ADAMTS16: variants seen among roughly 807,000 people sequenced by gnomAD.
ADAMTS16 encodes the protein ADAM metallopeptidase with thrombospondin type 1 motif 16.
ADAMTS16 carries 94 observed loss-of-function variants against 145.8 expected under a neutral mutation model. That is an observed-to-expected ratio of 0.64 (90% CI 0.55 to 0.77). ADAMTS16 has a LOEUF of 0.77. Among genes scored for constraint, ADAMTS16 ranks in the 30% least tolerant of loss-of-function variants. ADAMTS16 has a pLI of 0.00. For synonymous variants in ADAMTS16, 659 were observed against 604.3 expected, an observed-to-expected ratio of 1.09 and a Z score of -1.33; for missense variants, 1,585 against 1,591.5, an observed-to-expected ratio of 1.00 and a Z score of 0.07.
chr5:5,170,499 C>T (rs897613023), intron 3 of ADAMTS16, among the ~76,000 whole-genome samples: 1 of 152,096 alleles, frequency 6.6e-6, no homozygotes, highest in Non-Finnish European at 1.5e-5. Flanking sequence ...CTGCCTCAGC[C>T]CCCCGAGTAG....
At chr5:5,215,783 ATATATATG>A (rs1736410459) in intron 10 of ADAMTS16, among the ~76,000 whole-genome samples, 1 of 46,196 alleles carries the variant, frequency 2.2e-5, no homozygotes, top group Admixed American at 1.6e-4. Flanking sequence ...TATATATGGT[ATATATATG>A]TGTGGTATAT....
intron 3 of ADAMTS16, among the ~76,000 whole-genome samples, chr5:5,176,579 G>C (rs1314234602): frequency 6.6e-6 from 1 of 152,100 alleles, no homozygotes; most frequent in Non-Finnish European, 1.5e-5. Flanking sequence ...TTGTACCCTT[G>C]AGGCTTCAGT....
chr5:5,204,370 TG>T (rs2126597055), intron 9 of ADAMTS16, among the ~76,000 whole-genome samples: 1 of 152,290 alleles, frequency 6.6e-6, no homozygotes, highest in South Asian at 2.1e-4. Context: ...ATTATAAGAG[TG>T]CCTACAGCTC....
chr5:5,294,148 A>C (rs950559701), intron 18 of ADAMTS16, among the ~76,000 whole-genome samples: 2 of 152,330 alleles, frequency 1.3e-5, no homozygotes, highest in Non-Finnish European at 2.9e-5. Flanking sequence ...CTAGGGGACA[A>C]TTAAGGAGCA....
chr5:5,167,025 A>C (rs1579283742), intron 3 of ADAMTS16, among the ~76,000 whole-genome samples: 1 of 152,232 alleles, frequency 6.6e-6, no homozygotes, highest in South Asian at 2.1e-4. Flanking sequence ...TAAAAGTCAA[A>C]CCCTTTTTCC....
chr5:5,301,435 T>C (rs1347388456), intron 18 of ADAMTS16, among the ~76,000 whole-genome samples: 1 of 152,234 alleles, frequency 6.6e-6, no homozygotes, highest in African/African-American at 2.4e-5. Context: ...CTGCCTGCTC[T>C]GAACCATGTT....
intron 18 of ADAMTS16, among the ~76,000 whole-genome samples, chr5:5,293,865 G>C (rs1739426325): frequency 6.6e-6 from 1 of 152,160 alleles, no homozygotes; most frequent in Non-Finnish European, 1.5e-5. Context: ...GTGGTATCTT[G>C]CCAACACAGC....
At chr5:5,200,506 G>A (rs1392787596) in intron 9 of ADAMTS16, among the ~76,000 whole-genome samples, 1 of 152,176 alleles carries the variant, frequency 6.6e-6, no homozygotes, top group Admixed American at 6.5e-5. Flanking sequence ...GACTAAAAGG[G>A]AGCCATAAGA....
At chr5:5,294,503 C>T (rs1247022142) in intron 18 of ADAMTS16, among the ~76,000 whole-genome samples, 1 of 152,228 alleles carries the variant, frequency 6.6e-6, no homozygotes, top group Non-Finnish European at 1.5e-5. Flanking sequence ...AGGCCTTCAA[C>T]AGACTGGATG....
intron 10 of ADAMTS16, among the ~76,000 whole-genome samples, chr5:5,212,197 TTG>T (rs1560951016): frequency 1.1e-4 from 11 of 100,592 alleles, no homozygotes; most frequent in Admixed American, 1.4e-4. Flanking sequence ...GGGGTTTTTT[TTG>T]TTTTGTTTTG....
At chr5:5,165,212 T>C (rs1734841500) in intron 3 of ADAMTS16, among the ~76,000 whole-genome samples, 1 of 152,180 alleles carries the variant, frequency 6.6e-6, no homozygotes, top group Non-Finnish European at 1.5e-5. Flanking sequence ...CACTGGGTCC[T>C]CTGCTCCGGC....
chr5:5,291,196 AT>A lies in ADAMTS16; in HGVS notation c.2790-12062del, dbSNP rs200773832. Among the ~76,000 whole-genome samples the A allele has an allele frequency of 6.9e-3, 1,044 of 150,486 alleles. 17 individuals are homozygous for A. Among genetic ancestry groups the A allele is most frequent in the African/African-American group, 0.024 (991 of 40,954 alleles). ...CAAAATTAATGTCTGTGTCTCTGTGATTTTTTTTTTAATTCGTATTTACCAG... is the reference window on the plus strand; with the variant it reads ...CAAAATTAATGTCTGTGTCTCTGTGATTTTTTTTTAATTCGTATTTACCAG... On this transcript the variant is annotated intron_variant, in intron 18 of 22. Coordinates refer to ENST00000274181, the MANE Select transcript of ADAMTS16 (RefSeq NM_139056.4).
rs915259447 is a variant in ADAMTS16 at position 5,264,897 on chromosome 5, G to A, written c.2789+2114G>A. Among the ~76,000 whole-genome samples the A allele has an allele frequency of 1.3e-5, 2 of 152,194 alleles. 1 individual carries two copies. The highest frequency in any genetic ancestry group is 4.8e-5 in the African/African-American group (2 of 41,446). On this transcript the variant is annotated intron_variant, in intron 18 of 22. Coordinates refer to ENST00000274181, the MANE Select transcript of ADAMTS16 (RefSeq NM_139056.4). Reference sequence around the variant, plus strand: ...TGTGGAGTTGATGGACACACACGACGATGCTCCATGGCCCTCACCTGTCCC... The same window carrying A: ...TGTGGAGTTGATGGACACACACGACAATGCTCCATGGCCCTCACCTGTCCC...
chr5:5,304,584 C>T (rs1439779985), intron 20 of ADAMTS16, among the ~76,000 whole-genome samples: 7 of 152,070 alleles, frequency 4.6e-5, no homozygotes, highest in African/African-American at 1.7e-4. Flanking sequence ...AGGGAGGGAC[C>T]CGGATCTCAT....
intron 17 of ADAMTS16, among the ~76,000 whole-genome samples, chr5:5,258,121 C>G (rs773714508): frequency 1.3e-5 from 2 of 152,200 alleles, no homozygotes; most frequent in Non-Finnish European, 2.9e-5. Context: ...TCTCTGAACT[C>G]CGTCATTAAA....
intron 13 of ADAMTS16, among the ~76,000 whole-genome samples, chr5:5,235,932 A>G (rs1187083542): frequency 6.6e-6 from 1 of 152,240 alleles, no homozygotes; most frequent in African/African-American, 2.4e-5. Flanking sequence ...AGGTTCATGC[A>G]GTTAGAAAAT....
intron 18 of ADAMTS16, among the ~76,000 whole-genome samples, chr5:5,286,585 G>A (rs10069877): frequency 0.23 from 35,248 of 152,142 alleles, 4,476 homozygotes; most frequent in Admixed American, 0.38. Context: ...TTAGCCAGGT[G>A]AGGTGGCTCA....
chr5:5,164,116 G>A lies in ADAMTS16; in HGVS notation c.501+17661G>A, dbSNP rs1484988341. 3.9e-5 allele frequency among the ~76,000 whole-genome samples: 6 copies of A among 152,168 alleles called. 1 individual carries two copies. The South Asian group carries it at 8.3e-4, about 21-fold the overall frequency. ...TATCATGGGTAGATATGCAGAAGGC[G>A]GCAAACTCCATAGGTAACCTTCAAC... On this transcript the variant is annotated intron_variant, in intron 3 of 22. Transcript: ENST00000274181.
intron 8 of ADAMTS16, among the ~76,000 whole-genome samples, chr5:5,196,239 A>G (rs1275993209): frequency 6.7e-6 from 1 of 149,838 alleles, no homozygotes; most frequent in Admixed American, 6.6e-5. Context: ...CTCCATCTCA[A>G]AAAAAAAAAA....
Sources: gnomAD v4.1 joint callset for allele counts (sites outside exome capture counted in the v4.1 genomes callset) on GRCh38, gnomAD v4.1.1 for gene constraint, MANE v1.5 for transcripts, NCBI Gene and HGNC (gene_info 2026-07-23, HGNC 2026-07-21) for gene names.